The following PDE1C variants were observed in gnomAD, a reference collection of about 807,000 sequenced individuals.
The protein encoded by PDE1C is dual specificity calcium/calmodulin-dependent 3',5'-cyclic nucleotide phosphodiesterase 1C.
Under a neutral mutation model 93.1 loss-of-function variants are expected in PDE1C, and 62 were observed. That is an observed-to-expected ratio of 0.67 (90% CI 0.54 to 0.82). The LOEUF (loss-of-function observed/expected upper bound fraction) is 0.82, where lower values mean the gene tolerates loss of function less well. PDE1C is among the 40% of genes least tolerant of loss of function. The pLI is 0.00. For missense variants in PDE1C, 742 were observed against 884.6 expected, an observed-to-expected ratio of 0.84 and a Z score of 2.04; for synonymous variants, 325 against 310.1, an observed-to-expected ratio of 1.05 and a Z score of -0.50.
chr7:31,619,711 T>G, the PDE1C span, among the ~76,000 whole-genome samples: 1 of 152,166 alleles, frequency 6.6e-6, no homozygotes, highest in East Asian at 2.0e-4. Flanking sequence ...CATTTCCATC[T>G]GAGGTACCAG....
chr7:31,735,882 G>A, the PDE1C span, among the ~76,000 whole-genome samples: 1 of 152,094 alleles, frequency 6.6e-6, no homozygotes, highest in African/African-American at 2.4e-5. Context: ...CCAAATCCAA[G>A]GATGCTCAAG....
chr7:32,288,784 G>T (rs148815176), intron 1 of PDE1C, among the ~76,000 whole-genome samples: 45 of 152,320 alleles, frequency 3.0e-4, no homozygotes, highest in East Asian at 1.3e-3. Flanking sequence ...ATCCTATGGC[G>T]TTAATGTGTG....
chr7:32,176,861 G>C (rs1412966678), intron 2 of PDE1C, among the ~76,000 whole-genome samples: 1 of 152,124 alleles, frequency 6.6e-6, no homozygotes, highest in African/African-American at 2.4e-5. Flanking sequence ...CTTATTCCAG[G>C]AGACAGAAAA....
At chr7:31,623,311 T>C in the PDE1C span, among the ~76,000 whole-genome samples, 1 of 151,946 alleles carries the variant, frequency 6.6e-6, no homozygotes, top group Non-Finnish European at 1.5e-5. Context: ...AAAAAGAGAA[T>C]TTTAGACCAA....
Position 32,161,541 on chromosome 7 carries a change from CCAGGGGTAGTT to C in PDE1C, c.308+8233_308+8243del, listed in dbSNP as rs1801918976. On this transcript the variant is annotated intron_variant, in intron 3 of 18. Coordinates refer to the PDE1C transcript ENST00000396193. The stretch of plus-strand genomic sequence containing the variant: ...TTTACCTCGCACCCCATACTGACCC[CCAGGGGTAGTT>C]TGGTCCAAGCTGATCTCAAATCTTC... 3.3e-5 allele frequency among the ~76,000 whole-genome samples: 5 copies of C among 151,740 alleles called. No homozygotes were observed. In the South Asian group the frequency reaches 1.0e-3, roughly 32 times the overall value.
chr7:31,987,814 G>A (rs943388719), intron 2 of PDE1C, among the ~76,000 whole-genome samples: 4 of 152,132 alleles, frequency 2.6e-5, no homozygotes, highest in African/African-American at 7.2e-5. Context: ...TCTCTGGTGC[G>A]GAAAACTGTA....
At chr7:32,247,786 G>C (rs1166646140) in intron 1 of PDE1C, among the ~76,000 whole-genome samples, 1 of 152,160 alleles carries the variant, frequency 6.6e-6, no homozygotes, top group Non-Finnish European at 1.5e-5. Context: ...AGGTAGGCCA[G>C]GCTATGATGT....
intron 1 of PDE1C, among the ~76,000 whole-genome samples, chr7:32,370,390 A>G (rs1784308758): frequency 6.6e-6 from 1 of 150,818 alleles, no homozygotes; most frequent in Non-Finnish European, 1.5e-5. Context: ...CAGAGCTTGC[A>G]GTGAGCTGAG....
At chr7:31,679,117 C>T in the PDE1C span, among the ~76,000 whole-genome samples, 1 of 152,124 alleles carries the variant, frequency 6.6e-6, no homozygotes, top group Non-Finnish European at 1.5e-5. Flanking sequence ...ATCCTCTAAC[C>T]TCGTTTTCCG....
intron 1 of PDE1C, among the ~76,000 whole-genome samples, chr7:32,314,393 C>T (rs1357364305): frequency 6.6e-6 from 1 of 152,106 alleles, no homozygotes; most frequent in African/African-American, 2.4e-5. Context: ...AACTTTGTCA[C>T]ATCAAAGACT....
At chr7:31,903,988 C>T (rs78414016) in intron 2 of PDE1C, among the ~76,000 whole-genome samples, 1 of 152,060 alleles carries the variant, frequency 6.6e-6, no homozygotes, top group South Asian at 2.1e-4. Context: ...TGACCTTCAA[C>T]GTTGGTGTAT....
chr7:32,253,509 A>G lies in PDE1C; in HGVS notation c.86-43970T>C, dbSNP rs559454453. On this transcript the variant is annotated intron_variant, in intron 1 of 18. Transcript: ENST00000396193. ...GGTAGAAAGAGAATCTGCTTATAAT[A>G]GCCTGTTCTTTTCACTGCTCTCTCA... Among the ~76,000 whole-genome samples, 3 of 152,332 alleles carry G rather than the reference A, an allele frequency of 2.0e-5. No homozygotes were observed. In the South Asian group the frequency reaches 6.2e-4, roughly 32 times the overall value.
chr7:32,122,410 T>C (rs540685319), intron 3 of PDE1C, among the ~76,000 whole-genome samples: 222 of 152,320 alleles, frequency 1.5e-3, no homozygotes, highest in African/African-American at 4.8e-3. Flanking sequence ...ATCAACAGAA[T>C]ATATGTTCTT....
intron 1 of PDE1C, among the ~76,000 whole-genome samples, chr7:32,361,148 C>T (rs1230628471): frequency 6.6e-6 from 1 of 152,114 alleles, no homozygotes; most frequent in Non-Finnish European, 1.5e-5. Flanking sequence ...TAGCTTTGTA[C>T]AGTTGGGGAA....
intron 1 of PDE1C, among the ~76,000 whole-genome samples, chr7:32,229,965 T>A (rs1014824379): frequency 3.3e-5 from 5 of 152,180 alleles, no homozygotes; most frequent in Non-Finnish European, 5.9e-5. Context: ...AGAGACAGTG[T>A]CCCTCACCTG....
At chr7:31,761,242 TATA>T (rs1286390428) in intron 17 of PDE1C, among the ~76,000 whole-genome samples, 1 of 152,198 alleles carries the variant, frequency 6.6e-6, no homozygotes, top group Non-Finnish European at 1.5e-5. Flanking sequence ...CAGAGTAAGT[TATA>T]ATAACTACCA....
intron 1 of PDE1C, among the ~76,000 whole-genome samples, chr7:32,271,244 G>C (rs1261285955): frequency 2.6e-5 from 4 of 152,208 alleles, no homozygotes; most frequent in African/African-American, 9.7e-5. Context: ...AAGTCTTCTG[G>C]ACAGTCTAAT....
At chr7:32,392,319 G>T (rs1784764715) in intron 1 of PDE1C, among the ~76,000 whole-genome samples, 1 of 152,144 alleles carries the variant, frequency 6.6e-6, no homozygotes, top group Non-Finnish European at 1.5e-5. Context: ...AGAATAGAAA[G>T]CCCAGGCCTA....
At chr7:31,685,886 C>T in the PDE1C span, among the ~76,000 whole-genome samples, 1 of 152,202 alleles carries the variant, frequency 6.6e-6, no homozygotes. Context: ...CAAAATGGAA[C>T]AGGCAAAGAA....
Sources: gnomAD v4.1 joint callset for allele counts (sites outside exome capture counted in the v4.1 genomes callset) on GRCh38, gnomAD v4.1.1 for gene constraint, MANE v1.5 for transcripts, NCBI Gene and HGNC (gene_info 2026-07-23, HGNC 2026-07-21) for gene names.